CAST: variants seen among roughly 807,000 people sequenced by gnomAD.
CAST encodes the protein MIR583 host.
A neutral mutation model predicts 119.6 loss-of-function variants in CAST; 76 were observed. The ratio of observed to expected loss-of-function variants is 0.64; its 90% confidence interval spans 0.53 to 0.77. CAST has a LOEUF of 0.77. Ranked by LOEUF, CAST falls within the 30% of genes least tolerant of loss-of-function variation. The pLI is 0.00. For missense variants in CAST, 953 were observed against 946.5 expected (o/e 1.01, Z -0.09); for synonymous variants, 319 against 331.6 (o/e 0.96, Z 0.41).
intron 22 of CAST, among the ~76,000 whole-genome samples, chr5:96,756,743 G>A (rs1766399810): frequency 6.6e-6 from 1 of 152,148 alleles, no homozygotes; most frequent in South Asian, 2.1e-4. Flanking sequence ...GTATATCTTT[G>A]TATTTACTTA....
At chr5:96,092,075 C>T in the CAST span, among the ~76,000 whole-genome samples, 11 of 152,216 alleles carry the variant, frequency 7.2e-5, no homozygotes, top group African/African-American at 2.7e-4. Flanking sequence ...CAGAATCACA[C>T]TGTGACTAAT....
At chr5:96,044,566 TA>T in the CAST span, among the ~76,000 whole-genome samples, 1 of 152,228 alleles carries the variant, frequency 6.6e-6, no homozygotes, top group Admixed American at 6.5e-5. Flanking sequence ...CAGGATCTAG[TA>T]AGGTTCAACA....
Position 96,757,580 on chromosome 5 carries a change from C to T in CAST, c.1762-3C>T, listed in dbSNP as rs754799014. On this transcript the variant is annotated splice_polypyrimidine_tract_variant and splice_region_variant and intron_variant, in intron 23 of 31. Coordinates refer to ENST00000675179, the MANE Select transcript of CAST (RefSeq NM_001750.7). ...TTGTTGATACATTTCCTGGTTCTTG[C>T]AGCCCATGAGTGAAGACTTCCTTCT... is the stretch of plus-strand genomic sequence containing the variant. 3 of 1,613,328 alleles carry T rather than the reference C, an allele frequency of 1.9e-6. No homozygotes were observed. Among genetic ancestry groups the T allele is most frequent in the Admixed American group, 1.7e-5 (1 of 60,008 alleles).
intron 3 of CAST, among the ~76,000 whole-genome samples, chr5:96,714,346 AT>A (rs1756809582): frequency 6.6e-6 from 1 of 152,210 alleles, no homozygotes; most frequent in Non-Finnish European, 1.5e-5. Context: ...ACATTATTTA[AT>A]GCCCTTCACT....
the CAST span, among the ~76,000 whole-genome samples, chr5:96,343,298 A>G: frequency 6.6e-6 from 1 of 152,210 alleles, no homozygotes; most frequent in African/African-American, 2.4e-5. Flanking sequence ...TAGCCAAAAT[A>G]AATTCTTTAA....
the CAST span, among the ~76,000 whole-genome samples, chr5:96,243,085 G>A: frequency 0.025 from 3,772 of 151,780 alleles, 62 homozygotes; most frequent in Middle Eastern, 0.066. Context: ...TTCTGTGTTA[G>A]GCAGAACACA....
chr5:95,963,185 A>G, the CAST span, among the ~76,000 whole-genome samples: 14 of 152,344 alleles, frequency 9.2e-5, 1 homozygote, highest in African/African-American at 3.4e-4. Flanking sequence ...TTATAAAACC[A>G]TGTTCTGTTC....
chr5:96,278,852 A>G, the CAST span: 2 of 152,220 alleles, frequency 1.3e-5, no homozygotes, highest in Non-Finnish European at 2.9e-5. Context: ...GTATATATAC[A>G]TATGCATAAA....
At chr5:96,541,295 G>T (rs919180957) in intron 1 of CAST, among the ~76,000 whole-genome samples, 6 of 151,434 alleles carry the variant, frequency 4.0e-5, no homozygotes, top group African/African-American at 1.5e-4. Flanking sequence ...GTTGACTCTT[G>T]CATTCTTTTA....
At chr5:96,462,697 T>A in the CAST span, among the ~76,000 whole-genome samples, 1 of 152,130 alleles carries the variant, frequency 6.6e-6, no homozygotes, top group Non-Finnish European at 1.5e-5. Context: ...TGATATGGTT[T>A]GGCTCTGTGT....
chr5:96,168,469 C>T, the CAST span, among the ~76,000 whole-genome samples: 3 of 152,122 alleles, frequency 2.0e-5, no homozygotes, highest in Non-Finnish European at 2.9e-5. Flanking sequence ...AATATTGACG[C>T]GTAATTCCTT....
At chr5:96,278,312 A>ATG in the CAST span, among the ~76,000 whole-genome samples, 1 of 151,884 alleles carries the variant, frequency 6.6e-6, no homozygotes, top group African/African-American at 2.4e-5. Flanking sequence ...TCAGTCTTTG[A>ATG]TGTGTGTGTG....
the CAST span, among the ~76,000 whole-genome samples, chr5:95,999,984 T>A: frequency 6.6e-6 from 1 of 152,234 alleles, no homozygotes. Flanking sequence ...TGTTTTAATT[T>A]GTTTCCCTAA....
chr5:96,354,365 C>T, the CAST span, among the ~76,000 whole-genome samples: 2 of 152,140 alleles, frequency 1.3e-5, no homozygotes, highest in South Asian at 4.1e-4. Flanking sequence ...CAGTCCCTTA[C>T]CACCCTCACC....
At chr5:96,016,829 G>GTTTTTTTTTTT in the CAST span, among the ~76,000 whole-genome samples, 1 of 97,660 alleles carries the variant, frequency 1.0e-5, no homozygotes, top group African/African-American at 4.3e-5. Context: ...GGTTATCTGG[G>GTTTTTTTTTTT]TTTTTTTTTT....
the CAST span, among the ~76,000 whole-genome samples, chr5:96,255,857 C>G: frequency 3.3e-5 from 5 of 152,080 alleles, no homozygotes; most frequent in Non-Finnish European, 5.9e-5. Flanking sequence ...GAAAGAAATT[C>G]AGGTTACTTT....
the CAST span, among the ~76,000 whole-genome samples, chr5:96,164,630 A>T: frequency 6.6e-6 from 1 of 152,176 alleles, no homozygotes; most frequent in Non-Finnish European, 1.5e-5. Context: ...AACAAGACAG[A>T]TATAGTCTCT....
the CAST span, among the ~76,000 whole-genome samples, chr5:96,496,905 G>A: frequency 5.3e-5 from 8 of 151,516 alleles, no homozygotes; most frequent in Admixed American, 1.3e-4. Flanking sequence ...ACATGTGCAC[G>A]ACGTGCAGGT....
the CAST span, among the ~76,000 whole-genome samples, chr5:96,358,317 A>C: frequency 6.6e-6 from 1 of 151,746 alleles, no homozygotes; most frequent in Non-Finnish European, 1.5e-5. Flanking sequence ...GGGTTTTTCG[A>C]GTCTCTATCT....
Sources: gnomAD v4.1 joint callset for allele counts (sites outside exome capture counted in the v4.1 genomes callset) on GRCh38, gnomAD v4.1.1 for gene constraint, MANE v1.5 for transcripts, NCBI Gene and HGNC (gene_info 2026-07-23, HGNC 2026-07-21) for gene names.